The following MAD1L1 variants were observed in gnomAD, a reference collection of about 807,000 sequenced individuals.
The protein encoded by MAD1L1 is mitotic spindle assembly checkpoint protein MAD1.
A neutral mutation model predicts 96.9 loss-of-function variants in MAD1L1; 95 were observed. The observed-to-expected ratio is 0.98, with a 90% CI of 0.83 to 1.16. MAD1L1 has a LOEUF of 1.16. Ranked by LOEUF, MAD1L1 falls within the 50% of genes most tolerant of loss-of-function variation. MAD1L1 has a pLI of 0.00. For missense variants in MAD1L1, 1,007 were observed against 954.4 expected (o/e 1.06, Z -0.73); for synonymous variants, 473 against 396.6 (o/e 1.19, Z -2.29).
Position 2,222,713 on chromosome 7 carries a change from C to T in MAD1L1, c.333G>A (p.Arg111=), listed in dbSNP as rs376446973. 3 of 1,609,064 alleles carry T rather than the reference C, an allele frequency of 1.9e-6. No individual in the cohort carries two copies. The highest frequency in any genetic ancestry group is 2.5e-6 in the Non-Finnish European group (3 of 1,179,546). The change falls in exon 5 of 19, where the codon CGG becomes CGA. Residue 111 remains arginine (R), a synonymous_variant. Coordinates refer to ENST00000265854, the MANE Select transcript of MAD1L1 (RefSeq NM_001013836.2). The stretch of plus-strand genomic sequence containing the variant: ...CCCCGGCCTCCCGCTCCTGAAGCTG[C>T]CGGATGCGCGTCAGGAGCTCCTGGT... ...DRNQELLTRI[R]QLQEREAGAE...
chr7:1,999,842 C>G (rs973825463), intron 14 of MAD1L1, among the ~76,000 whole-genome samples: 4 of 152,232 alleles, frequency 2.6e-5, no homozygotes, highest in Admixed American at 6.5e-5. Flanking sequence ...CTCTGCTCCC[C>G]TTCCGGGTCT....
At chr7:2,054,350 C>T (rs943534411) in intron 12 of MAD1L1, among the ~76,000 whole-genome samples, 1 of 152,212 alleles carries the variant, frequency 6.6e-6, no homozygotes, top group Non-Finnish European at 1.5e-5. Context: ...GCGGTCCACG[C>T]TCCCACAACC....
intron 10 of MAD1L1, among the ~76,000 whole-genome samples, chr7:2,166,850 G>A (rs999804870): frequency 2.6e-5 from 4 of 152,224 alleles, no homozygotes; most frequent in Non-Finnish European, 5.9e-5. Context: ...TCAAACAGAA[G>A]AGGCCCAGGG....
chr7:2,180,059 T>C lies in MAD1L1; in HGVS notation c.987-30821A>G, dbSNP rs200514930. On this transcript the variant is annotated intron_variant, in intron 10 of 18. Coordinates refer to ENST00000265854, the MANE Select transcript of MAD1L1 (RefSeq NM_001013836.2). ...CCAGGGCAAAAACTTGGTTGGGGAA[T>C]GAGTCTGTCAACCACTTCAACATCA... 7.4e-4 allele frequency among the ~76,000 whole-genome samples: 112 copies of C among 152,222 alleles called. No homozygotes were observed. The East Asian group carries it at 7.9e-3, about 11-fold the overall frequency.
chr7:1,878,465 C>T (rs572228827), intron 18 of MAD1L1, among the ~76,000 whole-genome samples: 5 of 151,756 alleles, frequency 3.3e-5, no homozygotes, highest in African/African-American at 7.3e-5. Flanking sequence ...GGACCCAGTG[C>T]GGTTTATCCT....
At chr7:1,950,784 G>C (rs1779458318) in intron 16 of MAD1L1, among the ~76,000 whole-genome samples, 1 of 152,238 alleles carries the variant, frequency 6.6e-6, no homozygotes, top group Non-Finnish European at 1.5e-5. Context: ...GCACACGTGG[G>C]CAAGTGGGGG....
chr7:1,880,022 G>A (rs549814001), intron 18 of MAD1L1, among the ~76,000 whole-genome samples: 1 of 152,092 alleles, frequency 6.6e-6, no homozygotes, highest in East Asian at 1.9e-4. Flanking sequence ...GAGCCACTTC[G>A]CCTGGCCGGC....
At chr7:2,202,829 T>A (rs1470475837) in intron 10 of MAD1L1, among the ~76,000 whole-genome samples, 2 of 152,342 alleles carry the variant, frequency 1.3e-5, no homozygotes, top group East Asian at 3.9e-4. Context: ...AGGAAAATCA[T>A]GCATCCCCTC....
At chr7:2,061,769 C>A (rs1300184007) in intron 12 of MAD1L1, among the ~76,000 whole-genome samples, 3 of 152,268 alleles carry the variant, frequency 2.0e-5, no homozygotes, top group African/African-American at 7.2e-5. Context: ...ATGTCGGGTA[C>A]AGCCAAGTGT....
chr7:1,949,554 C>T (rs1488412833), intron 16 of MAD1L1, among the ~76,000 whole-genome samples: 1 of 152,204 alleles, frequency 6.6e-6, no homozygotes, highest in Non-Finnish European at 1.5e-5. Flanking sequence ...CAGAGTCCTG[C>T]CAAGTGGAGG....
chr7:1,976,806 G>C (rs941384598), intron 15 of MAD1L1, among the ~76,000 whole-genome samples: 1 of 151,824 alleles, frequency 6.6e-6, no homozygotes, highest in African/African-American at 2.4e-5. Flanking sequence ...TAGACACAGA[G>C]TGCTGACTGG....
intron 15 of MAD1L1, among the ~76,000 whole-genome samples, chr7:1,967,871 C>T (rs61208969): frequency 2.7e-5 from 4 of 147,910 alleles, no homozygotes; most frequent in Non-Finnish European, 5.9e-5. Context: ...AAACAAGTTC[C>T]GGTGCGTGCA....
intron 15 of MAD1L1, among the ~76,000 whole-genome samples, chr7:1,967,033 A>G (rs1034974415): frequency 6.6e-6 from 1 of 152,226 alleles, no homozygotes; most frequent in Non-Finnish European, 1.5e-5. Context: ...GGGCTTACAG[A>G]TAATACCCGG....
chr7:2,174,374 A>G (rs893427493), intron 10 of MAD1L1, among the ~76,000 whole-genome samples: 1 of 152,058 alleles, frequency 6.6e-6, no homozygotes, highest in African/African-American at 2.4e-5. Flanking sequence ...CTTTACCCTG[A>G]TATTTGGGGT....
intron 18 of MAD1L1, among the ~76,000 whole-genome samples, chr7:1,879,456 CAAAA>C (rs58872674): frequency 0.11 from 14,331 of 129,982 alleles, 744 homozygotes; most frequent in Middle Eastern, 0.18. Context: ...ACTTCATCTC[CAAAA>C]AAAAAAAAAA....
chr7:2,138,608 G>A (rs925697607), intron 11 of MAD1L1, among the ~76,000 whole-genome samples: 1 of 152,172 alleles, frequency 6.6e-6, no homozygotes, highest in African/African-American at 2.4e-5. Flanking sequence ...GGCCTCCCCC[G>A]CTCTCAAGGC....
At chr7:2,232,685 G>A (rs1386825086) in intron 1 of MAD1L1, among the ~76,000 whole-genome samples, 187 bp downstream of exon 1, 1 of 152,162 alleles carries the variant, frequency 6.6e-6, no homozygotes, top group Non-Finnish European at 1.5e-5. Flanking sequence ...GAGAGGAGGG[G>A]AGAGCACAGA....
intron 16 of MAD1L1, among the ~76,000 whole-genome samples, chr7:1,954,925 G>T (rs1200167010): frequency 1.3e-5 from 2 of 152,130 alleles, no homozygotes; most frequent in African/African-American, 4.8e-5. Context: ...CGGCCCTAAT[G>T]AGTGTGTGGA....
intron 10 of MAD1L1, among the ~76,000 whole-genome samples, chr7:2,189,670 G>A (rs1245678307): frequency 6.6e-6 from 1 of 152,218 alleles, no homozygotes. Flanking sequence ...GCGTTTAATG[G>A]GTACAGAGTT....
Sources: allele counts gnomAD v4.1 joint callset (sites outside exome capture counted in the v4.1 genomes callset), GRCh38; gene constraint gnomAD v4.1.1; transcripts MANE v1.5; gene names NCBI Gene and HGNC (gene_info 2026-07-23, HGNC 2026-07-21).